Variants in RGP1 observed in about 807,000 individuals in gnomAD.
The protein encoded by RGP1 is RAB6A-GEF complex partner protein 2.
RGP1 carries 28 observed loss-of-function variants against 44.5 expected under a neutral mutation model. The ratio of observed to expected loss-of-function variants is 0.63; its 90% CI spans 0.47 to 0.86. RGP1 has a LOEUF of 0.86. Ranked by LOEUF, RGP1 falls within the 40% of genes least tolerant of loss-of-function variation. The pLI, the probability that RGP1 is intolerant of heterozygous loss-of-function variation, is 0.00. For missense variants in RGP1, 417 were observed against 490.7 expected, an observed-to-expected ratio of 0.85 and a Z score of 1.42; for synonymous variants, 212 against 196.7, an observed-to-expected ratio of 1.08 and a Z score of -0.65.
chr9:35,777,834 A>G, the RGP1 span, among the ~76,000 whole-genome samples: 1 of 152,206 alleles, frequency 6.6e-6, no homozygotes, highest in Non-Finnish European at 1.5e-5. Flanking sequence ...TATCTATTAA[A>G]AGAAATCCCA....
the RGP1 span, among the ~76,000 whole-genome samples, chr9:35,789,078 C>T: frequency 6.6e-5 from 10 of 151,954 alleles, no homozygotes; most frequent in Admixed American, 3.3e-4. Flanking sequence ...CGCACAGTGG[C>T]GCGATCTCTG....
At chr9:35,750,544 A>C in intron 3 of RGP1, 114 bp from the exon 4 acceptor site, 1 of 1,331,572 alleles carries the variant, frequency 7.5e-7, no homozygotes. Flanking sequence ...GACTATTCCC[A>C]TTTCACAGCA....
the RGP1 span, among the ~76,000 whole-genome samples, chr9:35,787,333 G>A: frequency 6.6e-6 from 1 of 151,820 alleles, no homozygotes; most frequent in Non-Finnish European, 1.5e-5. Context: ...AGATTCAAGC[G>A]ATTCTCCTAC....
At position 35,750,309 on chromosome 9, in the gene RGP1, A is replaced by C; in HGVS notation, c.183A>C (p.Ala61=). ...CQFHASESRV[A]LPPPDSSQPD... ...TCCATGCCAGTGAGAGTCGAGTAGC[A>C]CTGCCTCCTCCTGACTCTAGTCAGC... The change falls in exon 3 of 9, where the codon GCA becomes GCC. Residue 61 remains alanine, a synonymous_variant. Coordinates refer to ENST00000378078, the MANE Select transcript of RGP1 (RefSeq NM_001080496.3). The C allele has an allele frequency of 6.2e-7, 1 of 1,613,956 alleles. No individual in the cohort carries two copies. The highest frequency in any genetic ancestry group is 8.5e-7 in the Non-Finnish European group (1 of 1,179,870).
chr9:35,753,433 G>A lies in RGP1; in HGVS notation c.*559G>A, dbSNP rs1000751991. On this transcript the variant is annotated 3_prime_UTR_variant, in exon 9 of 9. Coordinates refer to ENST00000378078, the MANE Select transcript of RGP1 (RefSeq NM_001080496.3). The surrounding 1 kb of genome is among the most constrained non-coding windows in gnomAD (Gnocchi z 4.2). The stretch of plus-strand genomic sequence containing the variant: ...CTAAGCTGTCACCTACCATATGTGG[G>A]CCTTTTTGTTTTATAACAGGAGTAT... 1 of 873,172 alleles carries A rather than the reference G, an allele frequency of 1.1e-6. No homozygotes were observed. Among genetic ancestry groups the A allele is most frequent in the Non-Finnish European group, 1.7e-6 (1 of 580,312 alleles). The allele number at this position is 873,172 out of a possible 1,614,324, so 54.1% of individuals were successfully genotyped here.
the RGP1 span, among the ~76,000 whole-genome samples, chr9:35,788,051 G>A: frequency 6.6e-6 from 1 of 152,194 alleles, no homozygotes; most frequent in Non-Finnish European, 1.5e-5. Flanking sequence ...GTTATAAAAC[G>A]TTTAATGCTG....
chr9:35,752,178 G>A (rs1390848261), intron 8 of RGP1, 33 bp downstream of exon 8: 1 of 1,517,778 alleles, frequency 6.6e-7, no homozygotes, highest in East Asian at 2.3e-5. Context: ...AGAAGGGAGA[G>A]GGGGACAGTA....
chr9:35,750,786 G>C (rs757740656), intron 4 of RGP1, 45 bp downstream of exon 4: 1 of 1,613,856 alleles, frequency 6.2e-7, no homozygotes, highest in Non-Finnish European at 8.5e-7. Flanking sequence ...AAGTCTCCTG[G>C]AGGGAGGACT....
rs1314581593 is a variant in RGP1, at chr9:35,758,341, G to A, written c.*5467G>A. On this transcript the variant is annotated 3_prime_UTR_variant, in exon 9 of 9. Transcript: ENST00000378078. The stretch of plus-strand genomic sequence containing the variant: ...ATTTATCCTGTGGCTGATAGAAAAA[G>A]TTAAAGCTGTTTAATTCACCATAGT... 6.6e-6 allele frequency: 1 copy of A among 152,154 alleles called. No homozygotes were observed. Among genetic ancestry groups the A allele is most frequent in the African/African-American group, 2.4e-5 (1 of 41,424 alleles). 9.4% of individuals were successfully genotyped at this position (152,154 alleles called of 1,614,324 possible). A position where few individuals can be genotyped will look rare whatever the true frequency, so the allele number is the denominator to read the frequency against.
the RGP1 span, among the ~76,000 whole-genome samples, chr9:35,765,839 T>C: frequency 0.017 from 2,501 of 150,802 alleles, 59 homozygotes; most frequent in African/African-American, 0.057. Flanking sequence ...TTCTTTCTTT[T>C]TTTTTTTTTT....
rs1333041275 is a variant in RGP1, at chr9:35,753,972, C to G, written c.*1098C>G. ...TCCCTGTGCCCTCTCTGCTGCTCCT[C>G]CATTCCTAACGCTTCACCCCACTTT... is the stretch of plus-strand genomic sequence containing the variant. On this transcript the variant is annotated 3_prime_UTR_variant, in exon 9 of 9. Transcript: ENST00000378078. The surrounding 1 kb of genome is among the most constrained non-coding windows in gnomAD (Gnocchi z 4.2). 1 of 1,601,756 alleles carries G rather than the reference C, an allele frequency of 6.2e-7. No homozygotes were observed.
chr9:35,787,009 A>G, the RGP1 span, among the ~76,000 whole-genome samples: 1 of 151,638 alleles, frequency 6.6e-6, no homozygotes, highest in African/African-American at 2.4e-5. Flanking sequence ...CTGAGGCAAG[A>G]GAATGGTATT....
chr9:35,774,585 G>A, the RGP1 span, among the ~76,000 whole-genome samples: 2 of 152,126 alleles, frequency 1.3e-5, no homozygotes, highest in Non-Finnish European at 1.5e-5. Context: ...ATAGCCGGGC[G>A]TGTTGGCGGG....
chr9:35,774,736 A>C, the RGP1 span, among the ~76,000 whole-genome samples: 1 of 151,826 alleles, frequency 6.6e-6, no homozygotes, highest in Admixed American at 6.6e-5. Context: ...AAACAAAACA[A>C]AAAAAAACAT....
Position 35,749,944 on chromosome 9 carries a change from C to A in RGP1, c.116+73C>A. The A allele has an allele frequency of 8.3e-7, 1 of 1,200,742 alleles. No homozygotes were observed. The highest frequency in any genetic ancestry group is 1.2e-6 in the Non-Finnish European group (1 of 822,762). 74.4% of individuals were successfully genotyped at this position (1,200,742 alleles called of 1,614,324 possible). A position where few individuals can be genotyped will look rare whatever the true frequency, so the allele number is the denominator to read the frequency against. ...GATTATCTCTGGGGCTGAGGCAGAG[C>A]TCAGGTTGTCCTGTAGCGACACCAC... is the stretch of plus-strand genomic sequence containing the variant. On this transcript the variant is annotated intron_variant, in intron 2 of 8. Transcript: ENST00000378078. The surrounding 1 kb of genome is among the most constrained non-coding windows in gnomAD (Gnocchi z 4.4).
chr9:35,769,081 G>A, the RGP1 span, among the ~76,000 whole-genome samples: 2 of 152,242 alleles, frequency 1.3e-5, no homozygotes, highest in Non-Finnish European at 2.9e-5. Context: ...GGGCCCATTT[G>A]AGATAAGTTA....
the RGP1 span, among the ~76,000 whole-genome samples, chr9:35,767,313 A>G: frequency 1.4e-5 from 2 of 138,050 alleles, no homozygotes; most frequent in Non-Finnish European, 3.0e-5. Flanking sequence ...TTGCCGAAAG[A>G]GTTCATTAAT....
the RGP1 span, among the ~76,000 whole-genome samples, chr9:35,785,396 A>G: frequency 6.9e-6 from 1 of 144,116 alleles, no homozygotes; most frequent in Non-Finnish European, 1.5e-5. Context: ...GCCCACCCCC[A>G]CTGTTTCATC....
downstream of RGP1, among the ~76,000 whole-genome samples, chr9:35,763,533 C>T (rs1827436748): frequency 6.6e-6 from 1 of 152,154 alleles, no homozygotes; most frequent in African/African-American, 2.4e-5. Context: ...CTATTTATAT[C>T]TCACATGCAT....
Sources: allele counts gnomAD v4.1 joint callset (sites outside exome capture counted in the v4.1 genomes callset), GRCh38; gene constraint gnomAD v4.1.1; non-coding constraint Gnocchi (gnomAD v3.1); transcripts MANE v1.5; gene names NCBI Gene and HGNC (gene_info 2026-07-23, HGNC 2026-07-21).